The following NRG3 variants were observed in gnomAD, a reference collection of about 807,000 sequenced individuals.
NRG3 encodes neuregulin 3, also known as pro-neuregulin-3, membrane-bound isoform.
In NRG3, 31 loss-of-function variants were observed where a neutral mutation model predicts 66.9. The observed-to-expected ratio is 0.46, with a 90% CI of 0.35 to 0.63. The LOEUF is 0.63. Among genes scored for constraint, NRG3 ranks in the 20% least tolerant of loss-of-function variants. The pLI, the probability that NRG3 is intolerant of heterozygous loss-of-function variation, is 0.00. For synonymous variants in NRG3, 393 were observed against 359.4 expected (o/e 1.09, Z -1.06); for missense variants, 910 against 878.9 (o/e 1.04, Z -0.45).
chr10:82,884,544 T>G (rs907088719), intron 4 of NRG3, among the ~76,000 whole-genome samples: 4 of 152,204 alleles, frequency 2.6e-5, no homozygotes, highest in African/African-American at 9.6e-5. Flanking sequence ...TCTCACAGTT[T>G]GGCAATGCCC....
At chr10:82,543,964 T>C (rs914478037) in intron 2 of NRG3, among the ~76,000 whole-genome samples, 3 of 152,206 alleles carry the variant, frequency 2.0e-5, no homozygotes, top group African/African-American at 7.2e-5. Flanking sequence ...AGGGAGTCCA[T>C]AAATTTCAGT....
rs145837914 is a variant in NRG3, at chr10:82,905,451, A to T, written c.1054+40014A>T. Among the ~76,000 whole-genome samples the T allele has an allele frequency of 1.2e-4, 18 of 152,280 alleles. No homozygotes were observed. The East Asian group carries it at 3.1e-3, about 26-fold the overall frequency. On this transcript the variant is annotated intron_variant, in intron 4 of 8. Coordinates refer to ENST00000372141, the MANE Select transcript of NRG3 (RefSeq NM_001010848.4). The stretch of plus-strand genomic sequence containing the variant: ...AGAAATTGGGCTTCTAAAATAAGGC[A>T]TTTAGCACCAAAATCTCTATTATTT...
chr10:82,695,194 T>C (rs1328114024), intron 2 of NRG3, among the ~76,000 whole-genome samples: 8 of 152,290 alleles, frequency 5.3e-5, no homozygotes, highest in Non-Finnish European at 1.0e-4. Flanking sequence ...TTTATGTGTA[T>C]GTATTTAAAA....
intron 2 of NRG3, among the ~76,000 whole-genome samples, chr10:82,545,758 T>C (rs2043858260): frequency 6.6e-6 from 1 of 151,114 alleles, no homozygotes; most frequent in Admixed American, 6.6e-5. Flanking sequence ...CGTATTTTTA[T>C]TGATCGTAAT....
intron 4 of NRG3, among the ~76,000 whole-genome samples, chr10:82,931,138 C>G (rs564667926): frequency 1.3e-5 from 2 of 152,180 alleles, no homozygotes; most frequent in Non-Finnish European, 2.9e-5. Flanking sequence ...TCTTGCAGTA[C>G]CAATACTATC....
intron 1 of NRG3, among the ~76,000 whole-genome samples, chr10:82,344,048 C>T (rs957981313): frequency 1.3e-5 from 2 of 149,146 alleles, no homozygotes; most frequent in Non-Finnish European, 3.0e-5. Context: ...TTTAAAAAAA[C>T]TGCTTTTTTT....
chr10:82,382,743 A>G (rs1405650099), intron 2 of NRG3, among the ~76,000 whole-genome samples: 1 of 152,024 alleles, frequency 6.6e-6, no homozygotes, highest in Non-Finnish European at 1.5e-5. Context: ...TTTATACATA[A>G]TGCATATGTA....
chr10:82,442,753 A>G (rs533642096), intron 2 of NRG3, among the ~76,000 whole-genome samples: 18 of 135,528 alleles, frequency 1.3e-4, no homozygotes, highest in South Asian at 9.9e-4. Flanking sequence ...GGTGAGGACT[A>G]TTGAGCACCA....
intron 1 of NRG3, among the ~76,000 whole-genome samples, chr10:82,012,757 G>A (rs1365918547): frequency 6.6e-6 from 1 of 152,176 alleles, no homozygotes; most frequent in African/African-American, 2.4e-5. Context: ...GGGGCAAAAT[G>A]TGACCAGTCT....
chr10:82,717,390 C>CTT lies in NRG3; in HGVS notation c.954-21161_954-21160dup, dbSNP rs59189864. On this transcript the variant is annotated intron_variant, in intron 2 of 8. Coordinates refer to ENST00000372141, the MANE Select transcript of NRG3 (RefSeq NM_001010848.4). The stretch of plus-strand genomic sequence containing the variant: ...TATATAAAATGAAGCATTGGAAAAG[C>CTT]TTTTTTTTTTTTTTTTTTTTTTTTT... Among the ~76,000 whole-genome samples, 59 of 83,576 alleles carry CTT rather than the reference C, an allele frequency of 7.1e-4. 1 individual carries two copies. Among genetic ancestry groups the CTT allele is most frequent in the African/African-American group, 1.1e-3 (24 of 22,050 alleles). 54.8% of individuals were successfully genotyped at this position (83,576 alleles called of 152,430 possible).
intron 2 of NRG3, among the ~76,000 whole-genome samples, chr10:82,525,539 A>G (rs1206536200): frequency 6.6e-6 from 1 of 151,924 alleles, no homozygotes; most frequent in Non-Finnish European, 1.5e-5. Flanking sequence ...AGGGACTCCT[A>G]GGAACCTTAA....
At chr10:82,178,087 A>G (rs2073166098) in intron 1 of NRG3, among the ~76,000 whole-genome samples, 1 of 152,178 alleles carries the variant, frequency 6.6e-6, no homozygotes, top group Non-Finnish European at 1.5e-5. Context: ...GACTTTTAAA[A>G]TATTTTATTG....
intron 2 of NRG3, among the ~76,000 whole-genome samples, chr10:82,626,652 C>A (rs182849918): frequency 5.6e-4 from 85 of 152,140 alleles, no homozygotes; most frequent in Non-Finnish European, 9.4e-4. Flanking sequence ...CTAATTTTTT[C>A]TTCTTTCCAT....
At chr10:81,943,771 CT>C (rs1285612301) in intron 1 of NRG3, among the ~76,000 whole-genome samples, 1 of 152,234 alleles carries the variant, frequency 6.6e-6, no homozygotes, top group Non-Finnish European at 1.5e-5. Flanking sequence ...CAATGTATCT[CT>C]TACCATTACA....
intron 1 of NRG3, among the ~76,000 whole-genome samples, chr10:82,123,925 T>C (rs1564584502): frequency 6.6e-6 from 1 of 152,024 alleles, no homozygotes; most frequent in East Asian, 1.9e-4. Context: ...GAAACCAATT[T>C]CATTTGACAT....
rs557470865 is a variant in NRG3 at position 82,449,442 on chromosome 10, T to A, written c.953+90574T>A. 5.3e-5 allele frequency among the ~76,000 whole-genome samples: 8 copies of A among 152,358 alleles called. No homozygotes were observed. The East Asian group carries it at 1.2e-3, about 22-fold the overall frequency. On this transcript the variant is annotated intron_variant, in intron 2 of 8. Transcript: ENST00000372141. ...GAAAGATAGAACTCATTTTTCAAGA[T>A]GAAATCATCTTTGCATTTGCCTTAG...
At chr10:82,105,590 C>A (rs1007271439) in intron 1 of NRG3, among the ~76,000 whole-genome samples, 1 of 152,084 alleles carries the variant, frequency 6.6e-6, no homozygotes, top group Non-Finnish European at 1.5e-5. Context: ...TTGTGTTTGA[C>A]ATTTATTTGT....
intron 3 of NRG3, among the ~76,000 whole-genome samples, chr10:82,855,645 G>T (rs913275443): frequency 2.0e-5 from 3 of 152,008 alleles, no homozygotes; most frequent in Non-Finnish European, 4.4e-5. Flanking sequence ...TGATTCGCCT[G>T]CCTCAGCCTC....
At chr10:82,606,298 G>A (rs2047956701) in intron 2 of NRG3, among the ~76,000 whole-genome samples, 1 of 152,122 alleles carries the variant, frequency 6.6e-6, no homozygotes, top group Admixed American at 6.6e-5. Context: ...ATTTAGAAGT[G>A]TGGTATATAA....
Sources: allele counts gnomAD v4.1 joint callset (sites outside exome capture counted in the v4.1 genomes callset), GRCh38; gene constraint gnomAD v4.1.1; transcripts MANE v1.5; gene names NCBI Gene and HGNC (gene_info 2026-07-23, HGNC 2026-07-21).